Variants in NEURL2 observed in about 807,000 individuals in gnomAD.
NEURL2 encodes the protein neuralized-like protein 2.
Under a neutral mutation model 15.9 loss-of-function variants are expected in NEURL2, and 16 were observed. That is an observed-to-expected ratio of 1.01 (90% CI 0.68 to 1.53). The LOEUF (loss-of-function observed/expected upper bound fraction) is 1.53, where lower values mean the gene tolerates loss of function less well. Among genes scored for constraint, NEURL2 ranks in the 40% most tolerant of loss-of-function variants. The pLI is 0.00. For synonymous variants in NEURL2, 188 were observed against 178.3 expected, an observed-to-expected ratio of 1.05 and a Z score of -0.43; for missense variants, 393 against 407.8, an observed-to-expected ratio of 0.96 and a Z score of 0.31.
In NEURL2 at chr20:45,888,744, T is replaced by C. The variant is rs370561615; in HGVS notation, c.*14A>G. 62 of 1,613,540 alleles carry C rather than the reference T, an allele frequency of 3.8e-5. No homozygotes were observed. Among genetic ancestry groups the C allele is most frequent in the Non-Finnish European group, 5.2e-5 (61 of 1,179,918 alleles). On this transcript the variant is annotated 3_prime_UTR_variant, in exon 2 of 2. Coordinates refer to ENST00000372518, the MANE Select transcript of NEURL2 (RefSeq NM_080749.4). Reference sequence around the variant, plus strand: ...GCTCCAGGATGCAGCTGTGCTCTGGTGCACTGTGGGTCTTCACTCATACTT... The same window carrying C: ...GCTCCAGGATGCAGCTGTGCTCTGGCGCACTGTGGGTCTTCACTCATACTT...
At chr20:45,889,076 T>C (rs1986604607) in intron 1 of NEURL2, among the ~76,000 whole-genome samples, 1 of 152,196 alleles carries the variant, frequency 6.6e-6, no homozygotes, top group Non-Finnish European at 1.5e-5. Context: ...GTTTATATCA[T>C]AACACTTAGC....
At position 45,890,557 on chromosome 20, in the gene NEURL2, T is replaced by C. The variant is rs778420296; in HGVS notation, c.435A>G (p.Pro145=). The change falls in exon 1 of 2, where the codon CCA becomes CCG. Residue 145 remains proline, a synonymous_variant. Transcript: ENST00000372518. ...PSRPPTLLVE[P]YLRIEQFRIP... ...TGCGAAACTGCTCAATGCGCAGATA[T>C]GGTTCCACGAGGAGGGTTGGAGGTC... 9 of 1,611,686 alleles carry C rather than the reference T, an allele frequency of 5.6e-6. No homozygotes were observed. Among genetic ancestry groups the C allele is most frequent in the Admixed American group, 5.0e-5 (3 of 59,840 alleles).
chr20:45,890,329 T>C lies in NEURL2; in HGVS notation c.663A>G (p.Pro221=), dbSNP rs1266505002. 4.3e-6 allele frequency: 7 copies of C among 1,613,234 alleles called. No homozygotes were observed. Among genetic ancestry groups the C allele is most frequent in the Non-Finnish European group, 5.9e-6 (7 of 1,180,026 alleles). ...EDMGPSARGL[P]AAQPLYAVVD... is the part of the protein sequence containing the mutation. ...CCACCGCGTAGAGGGGCTGCGCAGC[T>C]GGCAGTCCCCGGGCGCTCGGGCCCA... Residue 221 remains proline, a synonymous_variant, in exon 1 of 2, where the codon CCA becomes CCG. Coordinates refer to ENST00000372518, the MANE Select transcript of NEURL2 (RefSeq NM_080749.4).
chr20:45,888,834 C>T lies in NEURL2; in HGVS notation c.782G>A (p.Arg261Lys), dbSNP rs1986587143. ...AATGGCCAGCCGGTGCACCATGCTC[C>T]TTTGTATCACTAGGCGGCACAGAGT... ...LQTLCRLVIQ[R>K]SMVHRLAIDG... is the part of the protein sequence containing the mutation. The change falls in exon 2 of 2, where the codon AGG (arginine) becomes AAG (lysine). Residue 261 changes from arginine (R) to lysine (K), a missense_variant. Arg to Lys is a conservative substitution (Grantham distance 26). Coordinates refer to ENST00000372518, the MANE Select transcript of NEURL2 (RefSeq NM_080749.4). The T allele has an allele frequency of 6.2e-7, 1 of 1,614,120 alleles. No individual in the cohort carries two copies. Among genetic ancestry groups the T allele is most frequent in the Non-Finnish European group, 8.5e-7 (1 of 1,179,998 alleles).
Position 45,890,571 on chromosome 20 carries a change from G to C in NEURL2, c.421C>G (p.Leu141Val). Residue 141 changes from leucine to valine, a missense_variant, in exon 1 of 2, where the codon CTC becomes GTC. Leu to Val is a conservative substitution (Grantham distance 32, BLOSUM62 1). Transcript: ENST00000372518. Reference protein sequence around the residue: ...EAAAPSRPPTLLVEPYLRIEQ... With the variant: ...EAAAPSRPPTVLVEPYLRIEQ... ...ATGCGCAGATATGGTTCCACGAGGA[G>C]GGTTGGAGGTCGGCTGGGGGCCGCT... 2 of 1,612,256 alleles carry C rather than the reference G, an allele frequency of 1.2e-6. No individual in the cohort carries two copies. The highest frequency in any genetic ancestry group is 8.5e-7 in the Non-Finnish European group (1 of 1,179,272).
At chr20:45,889,715 G>A (rs756610343) in intron 1 of NEURL2, among the ~76,000 whole-genome samples, 5 of 151,858 alleles carry the variant, frequency 3.3e-5, no homozygotes, top group Non-Finnish European at 7.4e-5. Context: ...TCGGGTTCAA[G>A]TGACTCTCCT....
chr20:45,890,640 G>A lies in NEURL2; in HGVS notation c.352C>T (p.His118Tyr). 1 of 1,613,290 alleles carries A rather than the reference G, an allele frequency of 6.2e-7. No individual in the cohort carries two copies. Residue 118 changes from histidine to tyrosine, a missense_variant, in exon 1 of 2, where the codon CAC becomes TAC. Coordinates refer to ENST00000372518, the MANE Select transcript of NEURL2 (RefSeq NM_080749.4). ...CCCTCCCGGGGCACGCGGTTGTGGT[G>A]GCGCGTGATGGCGAAGACCCAGGTG... Reference protein sequence around the residue: ...GHTWVFAITRHHNRVPREGRP... With the variant: ...GHTWVFAITRYHNRVPREGRP...
Position 45,888,641 on chromosome 20 carries a change from G to A in NEURL2, c.*117C>T. The A allele has an allele frequency of 3.2e-6, 3 of 930,286 alleles. No individual in the cohort carries two copies. In the African/African-American group the frequency reaches 4.9e-5, roughly 15 times the overall value. 57.6% of individuals were successfully genotyped at this position (930,286 alleles called of 1,614,324 possible). ...AAGGAGACCTTCCAGTGATCAAGATGTCAGCATCGGCTGTTTATTTCTGGT... is the reference window on the plus strand; with the variant it reads ...AAGGAGACCTTCCAGTGATCAAGATATCAGCATCGGCTGTTTATTTCTGGT... On this transcript the variant is annotated 3_prime_UTR_variant, in exon 2 of 2. Transcript: ENST00000372518.
chr20:45,890,478 A>G lies in NEURL2; in HGVS notation c.514T>C (p.Leu172=), dbSNP rs1453606874. ...ACGTTCAGCTCATAGAGCTGGTCCA[A>G]GAGATGGCTGTAGAGCCCTGGCCGG... is the stretch of plus-strand genomic sequence containing the variant. ...RSRPGLYSHL[L]DQLYELNVLP... Residue 172 remains leucine (L), a synonymous_variant, in exon 1 of 2, where the codon TTG becomes CTG. Coordinates refer to ENST00000372518, the MANE Select transcript of NEURL2 (RefSeq NM_080749.4). 1 of 1,600,114 alleles carries G rather than the reference A, an allele frequency of 6.2e-7. No individual in the cohort carries two copies. Among genetic ancestry groups the G allele is most frequent in the Non-Finnish European group, 8.5e-7 (1 of 1,172,750 alleles).
intron 1 of NEURL2, chr20:45,890,030 C>A: frequency 1.7e-6 from 1 of 593,322 alleles, no homozygotes; most frequent in Non-Finnish European, 3.0e-6. Flanking sequence ...TAAAAGGGAA[C>A]TTGTAGGGCA....
In NEURL2 at chr20:45,888,863, CA is replaced by C. The variant is rs1284312720; in HGVS notation, c.752del (p.Leu251ArgfsTer7). 1 of 1,613,954 alleles carries C rather than the reference CA, an allele frequency of 6.2e-7. No homozygotes were observed. The highest frequency in any genetic ancestry group is 1.3e-5 in the African/African-American group (1 of 74,892). On this transcript the variant is annotated frameshift_variant, in exon 2 of 2. Transcript: ENST00000372518. LOFTEE classifies it high-confidence loss of function. ...GTATCACTAGGCGGCACAGAGTCTG[CA>C]GGGATGGCACTGTGGGAAGAAGACT... is the stretch of plus-strand genomic sequence containing the variant. ...LVQLEYGLPS[L>X]QTLCRLVIQR...
chr20:45,889,587 C>A (rs1032830260), intron 1 of NEURL2, among the ~76,000 whole-genome samples: 2 of 148,622 alleles, frequency 1.3e-5, no homozygotes, highest in Non-Finnish European at 3.0e-5. Flanking sequence ...AGCTTGCTTG[C>A]TTGCTTGCTT....
chr20:45,891,038 C>T lies in NEURL2; in HGVS notation c.-47G>A, dbSNP rs1196394033. On this transcript the variant is annotated 5_prime_UTR_variant, in exon 1 of 2. Coordinates refer to ENST00000372518, the MANE Select transcript of NEURL2 (RefSeq NM_080749.4). The surrounding 1 kb of genome is among the most constrained non-coding windows in gnomAD (Gnocchi z 4.6). ...AGCTGGCGCCGGGGGCTATTTTGGGCGGCGGGCAATGATGGTGACCGCAAG... is the reference window on the plus strand; with the variant it reads ...AGCTGGCGCCGGGGGCTATTTTGGGTGGCGGGCAATGATGGTGACCGCAAG... 6.9e-7 allele frequency: 1 copy of T among 1,449,034 alleles called. No homozygotes were observed. The highest frequency in any genetic ancestry group is 9.1e-7 in the Non-Finnish European group (1 of 1,100,932). 89.8% of individuals were successfully genotyped at this position (1,449,034 alleles called of 1,614,324 possible). A position where few individuals can be genotyped will look rare whatever the true frequency, so the allele number is the denominator to read the frequency against.
At chr20:45,889,220 G>C (rs1986613718) in intron 1 of NEURL2, among the ~76,000 whole-genome samples, 1 of 152,216 alleles carries the variant, frequency 6.6e-6, no homozygotes, top group African/African-American at 2.4e-5. Context: ...AATGTGATGA[G>C]AGGTATAACT....
In NEURL2 at chr20:45,890,757, C is replaced by T; in HGVS notation, c.235G>A (p.Gly79Arg). The T allele has an allele frequency of 1.2e-6, 2 of 1,612,568 alleles. No homozygotes were observed. The highest frequency in any genetic ancestry group is 1.7e-6 in the Non-Finnish European group (2 of 1,179,420). Reference protein sequence around the residue: ...EIEEKELGWCGHLRLGLTALD... With the variant: ...EIEEKELGWCRHLRLGLTALD... The stretch of plus-strand genomic sequence containing the variant: ...GCGGTCAGACCGAGACGCAGATGTC[C>T]GCACCAGCCCAGCTCTTTCTCCTCG... The change falls in exon 1 of 2, where the codon GGA (glycine) becomes AGA (arginine). Residue 79 changes from glycine to arginine, a missense_variant. Coordinates refer to ENST00000372518, the MANE Select transcript of NEURL2 (RefSeq NM_080749.4).
rs1216028893 is a variant in NEURL2 at position 45,888,754 on chromosome 20, G to T, written c.*4C>A. 1 of 1,613,930 alleles carries T rather than the reference G, an allele frequency of 6.2e-7. No homozygotes were observed. Among genetic ancestry groups the T allele is most frequent in the Non-Finnish European group, 8.5e-7 (1 of 1,179,974 alleles). Reference sequence around the variant, plus strand: ...GCAGCTGTGCTCTGGTGCACTGTGGGTCTTCACTCATACTTGCAGAAATCC... The same window carrying T: ...GCAGCTGTGCTCTGGTGCACTGTGGTTCTTCACTCATACTTGCAGAAATCC... On this transcript the variant is annotated 3_prime_UTR_variant, in exon 2 of 2. Coordinates refer to ENST00000372518, the MANE Select transcript of NEURL2 (RefSeq NM_080749.4).
In NEURL2 at chr20:45,890,725, G is replaced by A. The variant is rs1474991793; in HGVS notation, c.267C>T (p.Asp89=). ...GHLRLGLTAL[D]PASLAPVPEF... is the part of the protein sequence containing the mutation. ...CGGGAACGGGGGCCAGACTGGCGGG[G>A]TCCAGCGCGGTCAGACCGAGACGCA... The change falls in exon 1 of 2, where the codon GAC becomes GAT. Residue 89 remains aspartate, a synonymous_variant. Transcript: ENST00000372518. The A allele has an allele frequency of 6.2e-7, 1 of 1,613,472 alleles. No homozygotes were observed. Among genetic ancestry groups the A allele is most frequent in the Non-Finnish European group, 8.5e-7 (1 of 1,179,858 alleles).
chr20:45,889,646 C>T (rs971019343), intron 1 of NEURL2, among the ~76,000 whole-genome samples: 3 of 151,632 alleles, frequency 2.0e-5, no homozygotes, highest in East Asian at 1.9e-4. Flanking sequence ...CAGAGTCTTG[C>T]TCTGTTGCCT....
At position 45,890,963 on chromosome 20, in the gene NEURL2, G is replaced by A. The variant is rs1986782353; in HGVS notation, c.29C>T (p.Ser10Leu). 6.7e-7 allele frequency: 1 copy of A among 1,501,800 alleles called. No homozygotes were observed. 93.0% of individuals were successfully genotyped at this position (1,501,800 alleles called of 1,614,324 possible). The change falls in exon 1 of 2, where the codon TCG becomes TTG. Residue 10 changes from serine to leucine, a missense_variant. Ser to Leu is a moderately radical substitution (Grantham distance 145). Coordinates refer to ENST00000372518, the MANE Select transcript of NEURL2 (RefSeq NM_080749.4). MAAASEPVD[S>L]GALWGLERPE... ...GCGCTCGAGTCCCCAGAGTGCACCCGAATCCACGGGCTCGGAGGCAGCAGC... is the reference window on the plus strand; with the variant it reads ...GCGCTCGAGTCCCCAGAGTGCACCCAAATCCACGGGCTCGGAGGCAGCAGC...
Sources: gnomAD v4.1 joint callset for allele counts (sites outside exome capture counted in the v4.1 genomes callset) on GRCh38, gnomAD v4.1.1 for gene constraint, Gnocchi (gnomAD v3.1) non-coding constraint, MANE v1.5 for transcripts, NCBI Gene and HGNC (gene_info 2026-07-23, HGNC 2026-07-21) for gene names.